VPS54: variants seen among roughly 807,000 people sequenced by gnomAD.
VPS54 encodes the protein VPS54 subunit of GARP complex, also known as vacuolar protein sorting-associated protein 54.
Under a neutral mutation model 121.5 loss-of-function variants are expected in VPS54, and 45 were observed. That is an observed-to-expected ratio of 0.37 (90% CI 0.29 to 0.47). VPS54 has a LOEUF of 0.47. VPS54 is among the 20% of genes least tolerant of loss of function. The probability of loss-of-function intolerance (pLI) is 0.99; values close to 1 mark genes in which losing one functional copy is unlikely to be tolerated. For synonymous variants in VPS54, 371 were observed against 385.8 expected (o/e 0.96, Z 0.45); for missense variants, 1,090 against 1,131.4 (o/e 0.96, Z 0.52).
At chr2:63,984,579 G>A (rs1676953822) in intron 1 of VPS54, among the ~76,000 whole-genome samples, 1 of 152,186 alleles carries the variant, frequency 6.6e-6, no homozygotes, top group African/African-American at 2.4e-5. Flanking sequence ...TACTGTCATT[G>A]TAATTATTAC....
rs1342547391 is a variant in VPS54 at position 63,893,441 on chromosome 2, G to C, written c.2923C>G (p.Gln975Glu). The change falls in exon 23 of 23, where the codon CAG (glutamine) becomes GAG (glutamate). Residue 975 changes from glutamine to glutamate, a missense_variant. Gln to Glu is a conservative substitution (Grantham distance 29). Coordinates refer to ENST00000272322, the MANE Select transcript of VPS54 (RefSeq NM_016516.3). ...TTTCCAGGATGACATCACCTCTTCT[G>C]CTCCCAAATTTCGGCCATATTTAGG... ...LDLNMAEIWEQKR is the reference protein window; with the variant it reads ...LDLNMAEIWEEKR 6.2e-7 allele frequency: 1 copy of C among 1,613,724 alleles called. No individual in the cohort carries two copies. Among genetic ancestry groups the C allele is most frequent in the Non-Finnish European group, 8.5e-7 (1 of 1,179,716 alleles).
Position 63,984,070 on chromosome 2 carries a change from G to C in VPS54, c.-20-51C>G. On this transcript the variant is annotated intron_variant, in intron 1 of 22. Transcript: ENST00000272322. The stretch of plus-strand genomic sequence containing the variant: ...TAAGACACCGCAAATCAAAATCCAA[G>C]TATTATACATGTCACAAATTTTCTT... 3 of 1,403,410 alleles carry C rather than the reference G, an allele frequency of 2.1e-6. No individual in the cohort carries two copies. In the South Asian group the frequency reaches 5.4e-5, roughly 25 times the overall value. The allele number at this position is 1,403,410 out of a possible 1,614,324, so 86.9% of individuals were successfully genotyped here. A position where few individuals can be genotyped will look rare whatever the true frequency, so the allele number is the denominator to read the frequency against.
chr2:63,908,312 A>G (rs1168613209), intron 20 of VPS54, among the ~76,000 whole-genome samples: 4 of 152,178 alleles, frequency 2.6e-5, no homozygotes, highest in Non-Finnish European at 1.5e-5. Context: ...AGTGTGGCAC[A>G]GTAGACTACA....
intron 8 of VPS54, among the ~76,000 whole-genome samples, chr2:63,948,092 A>C (rs967204616): frequency 6.6e-6 from 1 of 152,012 alleles, no homozygotes; most frequent in African/African-American, 2.4e-5. Context: ...CAGCCTCCTA[A>C]AGTGCTTGGA....
At chr2:63,997,152 G>A (rs979212408) in intron 1 of VPS54, among the ~76,000 whole-genome samples, 7 of 152,146 alleles carry the variant, frequency 4.6e-5, no homozygotes, top group Admixed American at 1.3e-4. Flanking sequence ...GTTAGACATA[G>A]GCCTGCAGTT....
intron 5 of VPS54, among the ~76,000 whole-genome samples, chr2:63,967,999 G>T (rs572508702): frequency 6.6e-6 from 1 of 152,052 alleles, no homozygotes; most frequent in African/African-American, 2.4e-5. Flanking sequence ...CTGAAGTAAA[G>T]AATGTGTAAA....
chr2:63,956,691 A>G (rs146216200), intron 7 of VPS54, among the ~76,000 whole-genome samples: 18 of 152,324 alleles, frequency 1.2e-4, no homozygotes, highest in African/African-American at 4.3e-4. Flanking sequence ...TGTGGGTAAC[A>G]TTCCCTATCT....
chr2:63,996,018 C>T (rs759615928), intron 1 of VPS54, among the ~76,000 whole-genome samples: 2 of 152,126 alleles, frequency 1.3e-5, no homozygotes, highest in Non-Finnish European at 2.9e-5. Flanking sequence ...ATTATGTTTC[C>T]CTGTTTAATC....
chr2:63,988,495 CAGA>C (rs1189692738), intron 1 of VPS54, among the ~76,000 whole-genome samples: 2 of 152,144 alleles, frequency 1.3e-5, no homozygotes, highest in African/African-American at 4.8e-5. Flanking sequence ...GAAGCCATGG[CAGA>C]AGAACATAAA....
At chr2:63,976,030 C>T (rs890221567) in intron 3 of VPS54, among the ~76,000 whole-genome samples, 1 of 152,186 alleles carries the variant, frequency 6.6e-6, no homozygotes, top group Non-Finnish European at 1.5e-5. Context: ...ACGCCCGGTA[C>T]ATTCTTTATC....
At chr2:63,922,416 A>G (rs181612176) in intron 12 of VPS54, among the ~76,000 whole-genome samples, 9 of 152,236 alleles carry the variant, frequency 5.9e-5, no homozygotes, top group African/African-American at 2.2e-4. Flanking sequence ...CTAATTGGTT[A>G]TGGTATTAAA....
At chr2:64,013,283 T>C (rs1678509547) in intron 1 of VPS54, among the ~76,000 whole-genome samples, 1 of 152,142 alleles carries the variant, frequency 6.6e-6, no homozygotes, top group African/African-American at 2.4e-5. Flanking sequence ...AATCTAATCA[T>C]GAGGAACAGA....
At chr2:63,968,486 C>T (rs574431600) in intron 5 of VPS54, among the ~76,000 whole-genome samples, 13 of 150,794 alleles carry the variant, frequency 8.6e-5, no homozygotes, top group South Asian at 2.1e-4. Flanking sequence ...CTGAGGTGGA[C>T]GGATCACTTG....
At chr2:63,979,578 G>T (rs992397807) in intron 3 of VPS54, among the ~76,000 whole-genome samples, 2 of 152,140 alleles carry the variant, frequency 1.3e-5, no homozygotes, top group Non-Finnish European at 2.9e-5. Flanking sequence ...TGAGGTCACT[G>T]ATTTGAAATC....
Position 64,017,972 on chromosome 2 carries a change from T to C in VPS54, c.-21+966A>G, listed in dbSNP as rs138450274. ...GTTCCATCATTTAACTGCTTAGAAA[T>C]CATTTAGGCTCTGAAGGTGCTTTTT... On this transcript the variant is annotated intron_variant, in intron 1 of 22. Coordinates refer to ENST00000272322, the MANE Select transcript of VPS54 (RefSeq NM_016516.3). Among the ~76,000 whole-genome samples, 1,033 of 152,294 alleles carry C rather than the reference T, an allele frequency of 6.8e-3. 4 individuals carry two copies. The highest frequency in any genetic ancestry group is 9.4e-3 in the Non-Finnish European group (640 of 68,016).
intron 3 of VPS54, among the ~76,000 whole-genome samples, chr2:63,979,237 GTTTGTTT>G (rs918801037): frequency 7.1e-6 from 1 of 140,322 alleles, no homozygotes; most frequent in African/African-American, 2.7e-5. Flanking sequence ...TCTTTTTTCT[GTTTGTTT>G]TTTTTTTTTT....
At chr2:63,904,217 A>G (rs181605081) in intron 20 of VPS54, among the ~76,000 whole-genome samples, 29 of 152,240 alleles carry the variant, frequency 1.9e-4, no homozygotes, top group African/African-American at 7.0e-4. Context: ...AGGTGGGCGG[A>G]TCACTTGAGG....
chr2:63,909,177 C>T (rs1447811946), intron 20 of VPS54, among the ~76,000 whole-genome samples: 1 of 152,174 alleles, frequency 6.6e-6, no homozygotes, highest in Non-Finnish European at 1.5e-5. Flanking sequence ...ATATATCCTA[C>T]ATCCTGTCAT....
Position 63,973,645 on chromosome 2 carries a change from A to G in VPS54, c.379-1401T>C, listed in dbSNP as rs533966099. On this transcript the variant is annotated intron_variant, in intron 3 of 22. Coordinates refer to ENST00000272322, the MANE Select transcript of VPS54 (RefSeq NM_016516.3). The stretch of plus-strand genomic sequence containing the variant: ...AACTTCAAATTTCAGGGCTCAAGCA[A>G]TCTTTCTGCCTCAGCCTCCAGAGCA... Among the ~76,000 whole-genome samples the G allele has an allele frequency of 3.3e-5, 5 of 152,160 alleles. No individual in the cohort carries two copies. The East Asian group carries it at 9.7e-4, about 29-fold the overall frequency.
Sources: allele counts gnomAD v4.1 joint callset (sites outside exome capture counted in the v4.1 genomes callset), GRCh38; gene constraint gnomAD v4.1.1; transcripts MANE v1.5; gene names NCBI Gene and HGNC (gene_info 2026-07-23, HGNC 2026-07-21).